The following CRACR2A variants were observed in gnomAD, a reference collection of about 807,000 sequenced individuals.
CRACR2A encodes EF-hand calcium-binding domain-containing protein 4B.
A neutral mutation model predicts 90.5 loss-of-function variants in CRACR2A; 79 were observed. The ratio of observed to expected loss-of-function variants is 0.87; its 90% CI spans 0.73 to 1.05. CRACR2A has a LOEUF of 1.05. CRACR2A is among the 50% of genes least tolerant of loss of function. The pLI, the probability that CRACR2A is intolerant of heterozygous loss-of-function variation, is 0.00. For synonymous variants in CRACR2A, 338 were observed against 356.7 expected, an observed-to-expected ratio of 0.95 and a Z score of 0.59; for missense variants, 823 against 897.2, an observed-to-expected ratio of 0.92 and a Z score of 1.06.
chr12:3,626,086 A>C (rs1222172863), intron 17 of CRACR2A, among the ~76,000 whole-genome samples: 1 of 152,216 alleles, frequency 6.6e-6, no homozygotes, highest in Non-Finnish European at 1.5e-5. Flanking sequence ...CAGGCACAGT[A>C]ATTTTGAGAA....
At chr12:3,687,462 T>C (rs1945579877) in intron 4 of CRACR2A, among the ~76,000 whole-genome samples, 1 of 152,166 alleles carries the variant, frequency 6.6e-6, no homozygotes, top group African/African-American at 2.4e-5. Context: ...GATTTTCTGT[T>C]CCTGAATTAG....
intron 2 of CRACR2A, among the ~76,000 whole-genome samples, chr12:3,720,193 G>C (rs970618131): frequency 9.5e-6 from 1 of 104,728 alleles, no homozygotes; most frequent in African/African-American, 3.7e-5. Flanking sequence ...GGGAGGGAGG[G>C]GGAGGGAGGG....
intron 7 of CRACR2A, among the ~76,000 whole-genome samples, chr12:3,669,745 C>T (rs1945208216): frequency 6.6e-6 from 1 of 152,116 alleles, no homozygotes; most frequent in Admixed American, 6.5e-5. Flanking sequence ...GTCCTCCCTC[C>T]CAGGAAGTGG....
chr12:3,724,306 C>T (rs978040906), intron 2 of CRACR2A, among the ~76,000 whole-genome samples: 1 of 152,240 alleles, frequency 6.6e-6, no homozygotes, highest in Non-Finnish European at 1.5e-5. Flanking sequence ...CACAAGCCCT[C>T]TCACACCCTC....
At chr12:3,715,226 A>C (rs1290959189) in intron 2 of CRACR2A, among the ~76,000 whole-genome samples, 1 of 152,260 alleles carries the variant, frequency 6.6e-6, no homozygotes, top group Non-Finnish European at 1.5e-5. Context: ...TATGATATAA[A>C]TCATGGTAAC....
At chr12:3,749,534 A>T (rs542114734) in intron 1 of CRACR2A, among the ~76,000 whole-genome samples, 8 of 151,958 alleles carry the variant, frequency 5.3e-5, no homozygotes, top group Non-Finnish European at 1.0e-4. Context: ...TCCTTCCTTG[A>T]TCCTTACAGC....
chr12:3,721,399 AG>A (rs897034098), intron 2 of CRACR2A, among the ~76,000 whole-genome samples: 2 of 151,670 alleles, frequency 1.3e-5, no homozygotes, highest in African/African-American at 4.8e-5. Context: ...AAGAAAAGAA[AG>A]AAAGAAGGAA....
chr12:3,739,618 A>T (rs572992981), intron 1 of CRACR2A, among the ~76,000 whole-genome samples: 2 of 152,314 alleles, frequency 1.3e-5, no homozygotes, highest in African/African-American at 2.4e-5. Context: ...GATATTTTGA[A>T]CAAAATATTT....
At chr12:3,749,935 TTTTTTA>T (rs1478747880) in intron 1 of CRACR2A, among the ~76,000 whole-genome samples, 2 of 151,290 alleles carry the variant, frequency 1.3e-5, no homozygotes, top group Non-Finnish European at 2.9e-5. Context: ...ATTTTTTTTA[TTTTTTA>T]TTTTTATTTT....
chr12:3,681,469 T>C (rs958811612), intron 4 of CRACR2A, among the ~76,000 whole-genome samples: 10 of 152,236 alleles, frequency 6.6e-5, no homozygotes, highest in Non-Finnish European at 1.5e-4. Flanking sequence ...TGCTCCCTTC[T>C]GGCCTTCTGC....
At chr12:3,660,363 G>A (rs895869840) in intron 7 of CRACR2A, among the ~76,000 whole-genome samples, 1 of 152,166 alleles carries the variant, frequency 6.6e-6, no homozygotes, top group African/African-American at 2.4e-5. Flanking sequence ...CTGGTTGGAG[G>A]ATGGCGATGA....
chr12:3,625,557 C>G (rs554106889), intron 17 of CRACR2A, among the ~76,000 whole-genome samples: 2 of 149,980 alleles, frequency 1.3e-5, no homozygotes, highest in Non-Finnish European at 3.0e-5. Flanking sequence ...GTGAAAAGGA[C>G]AGGTGACCCT....
rs10848906 is a variant in CRACR2A at position 3,659,539 on chromosome 12, C to A, written c.762+25G>T. On this transcript the variant is annotated intron_variant, in intron 8 of 19. Coordinates refer to ENST00000440314, the MANE Select transcript of CRACR2A (RefSeq NM_001144958.2). ...CAGATATGTCAAGCTGGCCTCAGAG[C>A]CAAGCCTGGGGAGCGTACACTTACC... The A allele has an allele frequency of 0.28, 444,831 of 1,609,306 alleles. 64,795 individuals carry two copies. The highest frequency in any genetic ancestry group is 0.43 in the East Asian group (19,100 of 44,804).
chr12:3,739,974 G>GATAT (rs918820427), intron 1 of CRACR2A, among the ~76,000 whole-genome samples: 1 of 151,884 alleles, frequency 6.6e-6, no homozygotes, highest in African/African-American at 2.4e-5. Context: ...AAGCCCCAGG[G>GATAT]ATATACCCCA....
At chr12:3,675,913 C>T (rs193285558) in intron 6 of CRACR2A, among the ~76,000 whole-genome samples, 92 of 152,138 alleles carry the variant, frequency 6.0e-4, no homozygotes, top group African/African-American at 2.1e-3. Flanking sequence ...ATGCTAGCAA[C>T]GCTCTTGGGA....
intron 3 of CRACR2A, among the ~76,000 whole-genome samples, chr12:3,712,586 A>G (rs1449721715): frequency 6.6e-6 from 1 of 152,202 alleles, no homozygotes; most frequent in Admixed American, 6.5e-5. Context: ...GATAGTGCTA[A>G]GCCATTCATG....
intron 4 of CRACR2A, among the ~76,000 whole-genome samples, chr12:3,681,519 G>A (rs1178037906): frequency 1.3e-5 from 2 of 152,220 alleles, no homozygotes; most frequent in African/African-American, 4.8e-5. Flanking sequence ...AACTTGCATA[G>A]ATGAAGCAAG....
At chr12:3,629,064 G>A (rs570120791) in intron 15 of CRACR2A, among the ~76,000 whole-genome samples, 2 of 152,292 alleles carry the variant, frequency 1.3e-5, no homozygotes, top group Admixed American at 6.5e-5. Context: ...TCTATTTCCA[G>A]CATTTCTATG....
At chr12:3,742,322 C>T (rs1189561637) in intron 1 of CRACR2A, among the ~76,000 whole-genome samples, 3 of 152,124 alleles carry the variant, frequency 2.0e-5, no homozygotes, top group African/African-American at 7.2e-5. Flanking sequence ...CATCTTCTTC[C>T]ACTCTATAGC....
Sources: allele counts gnomAD v4.1 joint callset (sites outside exome capture counted in the v4.1 genomes callset), GRCh38; gene constraint gnomAD v4.1.1; transcripts MANE v1.5; gene names NCBI Gene and HGNC (gene_info 2026-07-23, HGNC 2026-07-21).